PCDH11Y: variants seen among roughly 807,000 people sequenced by gnomAD.
The protein encoded by PCDH11Y is protocadherin-11 Y-linked.
For synonymous variants in PCDH11Y, 9 were observed against 83.6 expected (o/e 0.11, Z 4.87); for missense variants, 12 against 224.8 (o/e 0.05, Z 6.05).
At chrY:5,389,532 A>G in intron 2 of PCDH11Y, among the ~76,000 whole-genome samples, 1 of 29,395 alleles carries the variant, frequency 3.4e-5, no homozygotes, top group Non-Finnish European at 8.0e-5. Flanking sequence ...TTCTATATAT[A>G]TTATCATGAT....
chrY:5,141,972 C>G (rs1602875420), intron 2 of PCDH11Y, among the ~76,000 whole-genome samples: 1 of 22,735 alleles, frequency 4.4e-5, no homozygotes, highest in Non-Finnish European at 9.8e-5. Context: ...TCAGAGAGAA[C>G]AGGCAACCTA....
intron 1 of PCDH11Y, among the ~76,000 whole-genome samples, chrY:5,058,403 G>A: frequency 3.4e-5 from 1 of 29,566 alleles, no homozygotes; most frequent in Non-Finnish European, 8.1e-5. Flanking sequence ...AATAACTAAT[G>A]TGCATGTTTC....
chrY:5,581,700 A>T (rs2124697471), intron 3 of PCDH11Y, 75 bp from the exon 5 acceptor site: 1 of 166,217 alleles, frequency 6.0e-6, no homozygotes, highest in East Asian at 1.4e-4. Context: ...ATATTTATTT[A>T]GGTATGCTAA....
At chrY:5,017,169 GCTAT>G (rs2052562007) in intron 1 of PCDH11Y, among the ~76,000 whole-genome samples, 1 of 33,137 alleles carries the variant, frequency 3.0e-5, no homozygotes, top group Non-Finnish European at 7.5e-5. Flanking sequence ...ATCTTACATA[GCTAT>G]CTTTTTTTTC....
At chrY:5,188,212 A>G (rs2052908259) in intron 2 of PCDH11Y, among the ~76,000 whole-genome samples, 1 of 33,140 alleles carries the variant, frequency 3.0e-5, no homozygotes. Flanking sequence ...GGAAGTTTCA[A>G]ACTTTCCCAC....
chrY:5,587,399 G>A, intron 4 of PCDH11Y, among the ~76,000 whole-genome samples: 11 of 32,705 alleles, frequency 3.4e-4, no homozygotes, highest in Non-Finnish European at 1.5e-4. Context: ...TGTGTATTCT[G>A]CAGCAGATGG....
intron 4 of PCDH11Y, among the ~76,000 whole-genome samples, chrY:5,677,500 C>G: frequency 3.1e-5 from 1 of 32,124 alleles, no homozygotes; most frequent in South Asian, 7.2e-4. Context: ...TTCTATGTGC[C>G]CAGACATATT....
downstream of PCDH11Y, among the ~76,000 whole-genome samples, chrY:5,105,611 A>G (rs2052790687): frequency 1.1e-3 from 28 of 26,117 alleles, no homozygotes; most frequent in Non-Finnish European, 9.3e-4. Flanking sequence ...GTGGGCGACA[A>G]AGCGAGACTC....
intron 3 of PCDH11Y, among the ~76,000 whole-genome samples, chrY:5,559,307 AT>A (rs2124694946): frequency 3.0e-5 from 1 of 33,237 alleles, no homozygotes; most frequent in Admixed American, 2.8e-4. Flanking sequence ...ACAAAGCAGA[AT>A]TTAAAAAAAA....
chrY:5,161,222 G>A, intron 2 of PCDH11Y, among the ~76,000 whole-genome samples: 1 of 33,092 alleles, frequency 3.0e-5, no homozygotes, highest in African/African-American at 1.2e-4. Flanking sequence ...TTTAGCGACT[G>A]TGTAGGATCT....
intron 2 of PCDH11Y, among the ~76,000 whole-genome samples, chrY:5,151,249 A>G: frequency 3.0e-5 from 1 of 33,287 alleles, no homozygotes; most frequent in Non-Finnish European, 7.5e-5. Flanking sequence ...GCAGAAGGCA[A>G]TGGCAGATAG....
intron 3 of PCDH11Y, among the ~76,000 whole-genome samples, chrY:5,513,237 G>A: frequency 2.2e-4 from 7 of 31,788 alleles, no homozygotes; most frequent in Admixed American, 1.5e-3. Context: ...GTTTCACCTT[G>A]TTAGCCAGGA....
chrY:5,503,343 A>G, intron 3 of PCDH11Y, among the ~76,000 whole-genome samples: 1 of 33,141 alleles, frequency 3.0e-5, no homozygotes, highest in African/African-American at 1.2e-4. Flanking sequence ...TCTGTGGGCA[A>G]TGATAATAGT....
At chrY:5,535,987 C>G (rs1602939669) in intron 3 of PCDH11Y, among the ~76,000 whole-genome samples, 1 of 32,481 alleles carries the variant, frequency 3.1e-5, no homozygotes. Context: ...TGCAGTGGCG[C>G]GATATCGGCT....
chrY:5,338,326 T>C (rs2053140647), intron 2 of PCDH11Y: 1 of 370,010 alleles, frequency 2.7e-6, no homozygotes, highest in African/African-American at 6.6e-5. Context: ...GCATTGTAGC[T>C]GACAGCAAAA....
chrY:5,442,137 G>A (rs2053283278), intron 2 of PCDH11Y, among the ~76,000 whole-genome samples: 1 of 27,822 alleles, frequency 3.6e-5, no homozygotes, highest in African/African-American at 1.4e-4. Context: ...TATTTCTTGT[G>A]AAGATTAAGT....
At chrY:5,015,853 G>A in intron 1 of PCDH11Y, among the ~76,000 whole-genome samples, 3 of 31,716 alleles carry the variant, frequency 9.5e-5, no homozygotes, top group African/African-American at 3.7e-4. Context: ...AATCATAGGG[G>A]CGGGTTTTTC....
chrY:5,054,501 C>T (rs1247438244), upstream of PCDH11Y, among the ~76,000 whole-genome samples: 8 of 21,528 alleles, frequency 3.7e-4, no homozygotes, highest in East Asian at 6.6e-3. Context: ...CATCATTTAG[C>T]TCCCACTTAT....
intron 2 of PCDH11Y, among the ~76,000 whole-genome samples, chrY:5,300,721 T>C (rs2053080941): frequency 3.0e-5 from 1 of 32,898 alleles, no homozygotes; most frequent in Non-Finnish European, 7.6e-5. Flanking sequence ...GACAGAGAAA[T>C]TGGTAGTAAA....
Sources: gnomAD v4.1 joint callset for allele counts (sites outside exome capture counted in the v4.1 genomes callset) on GRCh38, gnomAD v4.1.1 for gene constraint, MANE v1.5 for transcripts, NCBI Gene and HGNC (gene_info 2026-07-23, HGNC 2026-07-21) for gene names.